The following RCSD1 variants were observed in gnomAD, a reference collection of about 807,000 sequenced individuals.
RCSD1 encodes capZ-interacting protein.
In RCSD1, 26 loss-of-function variants were observed where a neutral mutation model predicts 42.5. The observed-to-expected ratio is 0.61, with a 90% CI of 0.45 to 0.85. The LOEUF is 0.85. Among genes scored for constraint, RCSD1 ranks in the 40% least tolerant of loss-of-function variants. The probability of loss-of-function intolerance (pLI) is 0.00; values close to 1 mark genes in which losing one functional copy is unlikely to be tolerated. For missense variants in RCSD1, 571 were observed against 528.3 expected (o/e 1.08, Z -0.79); for synonymous variants, 220 against 212.2 (o/e 1.04, Z -0.32).
intron 1 of RCSD1, among the ~76,000 whole-genome samples, chr1:167,659,623 C>A (rs1160006097): frequency 6.6e-6 from 1 of 152,168 alleles, no homozygotes; most frequent in Non-Finnish European, 1.5e-5. Flanking sequence ...TGATCACAGG[C>A]TCCCCTTGGA....
At chr1:167,673,257 T>A (rs12081670) in intron 1 of RCSD1, among the ~76,000 whole-genome samples, 1 of 151,954 alleles carries the variant, frequency 6.6e-6, no homozygotes, top group East Asian at 1.9e-4. Flanking sequence ...CTTAAAAGAG[T>A]AGCAGCAGAT....
intron 6 of RCSD1, among the ~76,000 whole-genome samples, chr1:167,700,678 CA>C (rs1164831722): frequency 6.7e-6 from 1 of 149,578 alleles, no homozygotes; most frequent in Non-Finnish European, 1.5e-5. Context: ...ACAACAACAA[CA>C]AAAAAACTTT....
At chr1:167,689,107 C>T (rs1261063384) in intron 3 of RCSD1, among the ~76,000 whole-genome samples, 1 of 152,112 alleles carries the variant, frequency 6.6e-6, no homozygotes, top group African/African-American at 2.4e-5. Flanking sequence ...ACTGCTCCTG[C>T]CACCGAGACT....
At chr1:167,694,374 AC>A in intron 5 of RCSD1, 72 bp downstream of exon 5, 1 of 1,395,834 alleles carries the variant, frequency 7.2e-7, no homozygotes, top group Non-Finnish European at 9.9e-7. Context: ...AATTTTCTCT[AC>A]CCTGTTGTCC....
At chr1:167,636,680 G>A (rs1475042509) in intron 1 of RCSD1, among the ~76,000 whole-genome samples, 3 of 152,024 alleles carry the variant, frequency 2.0e-5, no homozygotes, top group Middle Eastern at 3.4e-3. Flanking sequence ...ACCTCCTCCC[G>A]GGTTCAGGCA....
At position 167,704,654 on chromosome 1, in the gene RCSD1, C is replaced by G; in HGVS notation, c.1219-10C>G. 2 of 1,611,888 alleles carry G rather than the reference C, an allele frequency of 1.2e-6. No homozygotes were observed. The stretch of plus-strand genomic sequence containing the variant: ...TTTTCCTAATTAATTCTTTCCTCCC[C>G]TGTTCACAGGATGACACTCCTGTCC... On this transcript the variant is annotated splice_polypyrimidine_tract_variant and intron_variant, in intron 6 of 6. Coordinates refer to ENST00000367854, the MANE Select transcript of RCSD1 (RefSeq NM_052862.4).
rs534160378 is a variant in RCSD1, at chr1:167,652,084, C to T, written c.6+21655C>T. On this transcript the variant is annotated intron_variant, in intron 1 of 6. Transcript: ENST00000367854. ...TCACCCAGGCTGGAGTGCAGTGGCA[C>T]GATCTCAGCTCACTGCAATCTCTGC... is the stretch of plus-strand genomic sequence containing the variant. Among the ~76,000 whole-genome samples, 11 of 144,732 alleles carry T rather than the reference C, an allele frequency of 7.6e-5. No homozygotes were observed. The East Asian group carries it at 1.4e-3, about 19-fold the overall frequency. The allele number at this position is 144,732 out of a possible 152,430, so 94.9% of individuals were successfully genotyped here. A position where few individuals can be genotyped will look rare whatever the true frequency, so the allele number is the denominator to read the frequency against.
At chr1:167,667,041 G>A (rs765453834) in intron 1 of RCSD1, among the ~76,000 whole-genome samples, 1 of 151,712 alleles carries the variant, frequency 6.6e-6, no homozygotes, top group Non-Finnish European at 1.5e-5. Context: ...TTTTGTAGCA[G>A]GCTGGTGAGA....
rs140324081 is a variant in RCSD1 at position 167,677,997 on chromosome 1, C to T, written c.7-5903C>T. On this transcript the variant is annotated intron_variant, in intron 1 of 6. Transcript: ENST00000367854. The stretch of plus-strand genomic sequence containing the variant: ...TTTTCCCTTTGGATTAGTGATTTTG[C>T]AGTCTGAGGTTTATTTTCCTTTCAA... Among the ~76,000 whole-genome samples the T allele has an allele frequency of 8.5e-5, 13 of 152,252 alleles. No homozygotes were observed. In the East Asian group the frequency reaches 2.5e-3, roughly 29 times the overall value.
intron 6 of RCSD1, among the ~76,000 whole-genome samples, chr1:167,702,471 T>C (rs1304548997): frequency 6.6e-6 from 1 of 152,218 alleles, no homozygotes; most frequent in African/African-American, 2.4e-5. Context: ...ACAACTCTAA[T>C]ACTTAAAATA....
chr1:167,647,290 T>C (rs1266574481), intron 1 of RCSD1, among the ~76,000 whole-genome samples: 1 of 152,092 alleles, frequency 6.6e-6, no homozygotes, highest in Non-Finnish European at 1.5e-5. Flanking sequence ...AGGCATGTTC[T>C]TATTTTTAAA....
rs1659444812 is a variant in RCSD1 at position 167,694,240 on chromosome 1, G to A, written c.412G>A (p.Glu138Lys). ...PGVRSRPSEA[E>K]EVPVSFDQPP... ...TGTGCGATCTAGGCCCAGCGAGGCA[G>A]AGGAGGTGCCTGTCAGCTTCGACCA... The change falls in exon 5 of 7, where the codon GAG (glutamate) becomes AAG (lysine). Residue 138 changes from glutamate to lysine, a missense_variant. By Grantham distance (56) the Glu-to-Lys change is moderately conservative. Coordinates refer to ENST00000367854, the MANE Select transcript of RCSD1 (RefSeq NM_052862.4). 3 of 1,614,100 alleles carry A rather than the reference G, an allele frequency of 1.9e-6. No individual in the cohort carries two copies. Among genetic ancestry groups the A allele is most frequent in the African/African-American group, 1.3e-5 (1 of 74,950 alleles).
chr1:167,689,624 T>C (rs998289982), intron 3 of RCSD1, among the ~76,000 whole-genome samples: 6 of 152,230 alleles, frequency 3.9e-5, no homozygotes, highest in African/African-American at 1.4e-4. Flanking sequence ...CATACCTCTG[T>C]CATCCTGGTC....
chr1:167,705,870 C>A lies in RCSD1; in HGVS notation c.*1174C>A, dbSNP rs1280735692. On this transcript the variant is annotated 3_prime_UTR_variant, in exon 7 of 7. Transcript: ENST00000367854. ...GTATCCTCTCCCCTCTTCATACACT[C>A]CTGCTGAAAAATGTTAATCCAAATA... The A allele has an allele frequency of 6.6e-6, 1 of 152,176 alleles. No individual in the cohort carries two copies. Among genetic ancestry groups the A allele is most frequent in the Non-Finnish European group, 1.5e-5 (1 of 68,040 alleles). The allele number at this position is 152,176 out of a possible 1,614,324, so 9.4% of individuals were successfully genotyped here. A position where few individuals can be genotyped will look rare whatever the true frequency, so the allele number is the denominator to read the frequency against.
chr1:167,697,412 A>C lies in RCSD1; in HGVS notation c.788A>C (p.Lys263Thr). 1 of 1,613,198 alleles carries C rather than the reference A, an allele frequency of 6.2e-7. No individual in the cohort carries two copies. The highest frequency in any genetic ancestry group is 1.1e-5 in the South Asian group (1 of 90,942). Residue 263 changes from lysine (K) to threonine (T), a missense_variant, in exon 6 of 7, where the codon AAG becomes ACG. Coordinates refer to ENST00000367854, the MANE Select transcript of RCSD1 (RefSeq NM_052862.4). ...ACAGAGGAAGCCAAGAACGGTGAAA[A>C]GGCCAGGCGGAGTTCAGAGGAGGTG... ...RATEEAKNGE[K>T]ARRSSEEVDG... is the part of the protein sequence containing the mutation.
At chr1:167,635,775 C>G (rs1274139834) in intron 1 of RCSD1, among the ~76,000 whole-genome samples, 1 of 152,216 alleles carries the variant, frequency 6.6e-6, no homozygotes, top group Non-Finnish European at 1.5e-5. Context: ...TAACTGCCCT[C>G]TGCCATATGG....
chr1:167,679,567 G>T (rs549450562), intron 1 of RCSD1, among the ~76,000 whole-genome samples: 48 of 152,334 alleles, frequency 3.2e-4, no homozygotes, highest in Admixed American at 2.1e-3. Context: ...CAGTTCTGGA[G>T]GAGTGAAGAA....
chr1:167,665,230 G>C (rs1037457309), intron 1 of RCSD1, among the ~76,000 whole-genome samples: 1 of 152,138 alleles, frequency 6.6e-6, no homozygotes. Context: ...AGTCATTTCT[G>C]TCTGACCTCT....
chr1:167,644,836 C>T (rs954725925), intron 1 of RCSD1, among the ~76,000 whole-genome samples: 18 of 152,358 alleles, frequency 1.2e-4, no homozygotes, highest in African/African-American at 4.1e-4. Context: ...AGCCCCTCTC[C>T]CTGTCTAAGC....
Sources: gnomAD v4.1 joint callset for allele counts (sites outside exome capture counted in the v4.1 genomes callset) on GRCh38, gnomAD v4.1.1 for gene constraint, MANE v1.5 for transcripts, NCBI Gene and HGNC (gene_info 2026-07-23, HGNC 2026-07-21) for gene names.